IMMP2L: variants seen among roughly 807,000 people sequenced by gnomAD.
The protein encoded by IMMP2L is inner mitochondrial membrane peptidase subunit 2, also known as mitochondrial inner membrane protease subunit 2.
IMMP2L carries 18 observed loss-of-function variants against 19.3 expected under a neutral mutation model. The observed-to-expected ratio is 0.93, with a 90% CI of 0.64 to 1.38. IMMP2L has a LOEUF of 1.38. Ranked by LOEUF, IMMP2L falls within the 40% of genes most tolerant of loss-of-function variation. The probability of loss-of-function intolerance (pLI) is 0.00; values close to 1 mark genes in which losing one functional copy is unlikely to be tolerated. For missense variants in IMMP2L, 233 were observed against 218.2 expected, an observed-to-expected ratio of 1.07 and a Z score of -0.43; for synonymous variants, 76 against 73.0, an observed-to-expected ratio of 1.04 and a Z score of -0.21.
intron 1 of IMMP2L, among the ~76,000 whole-genome samples, chr7:111,547,422 C>T (rs977482701): frequency 2.0e-5 from 3 of 151,886 alleles, no homozygotes; most frequent in Admixed American, 6.6e-5. Context: ...AAATCCAAAA[C>T]GGACAAGTAT....
chr7:111,494,079 A>G (rs972271155), intron 2 of IMMP2L, among the ~76,000 whole-genome samples: 6 of 152,204 alleles, frequency 3.9e-5, no homozygotes, highest in Admixed American at 1.3e-4. Flanking sequence ...GTCATAAATA[A>G]TAATTTGATA....
intron 3 of IMMP2L, among the ~76,000 whole-genome samples, chr7:111,144,386 T>TA (rs1803251298): frequency 6.6e-6 from 1 of 152,094 alleles, no homozygotes; most frequent in South Asian, 2.1e-4. Flanking sequence ...TTGTGGATCT[T>TA]AGAGTTCGAA....
intron 3 of IMMP2L, among the ~76,000 whole-genome samples, chr7:111,439,700 G>A (rs1206352157): frequency 6.6e-6 from 1 of 151,910 alleles, no homozygotes; most frequent in Non-Finnish European, 1.5e-5. Flanking sequence ...GCTGAAGAGT[G>A]AGGTAGTTGT....
At chr7:111,441,825 G>A (rs936591111) in intron 3 of IMMP2L, among the ~76,000 whole-genome samples, 1 of 151,626 alleles carries the variant, frequency 6.6e-6, no homozygotes, top group Non-Finnish European at 1.5e-5. Flanking sequence ...AAATAAGACA[G>A]TGTAAAACTC....
intron 2 of IMMP2L, among the ~76,000 whole-genome samples, chr7:111,517,127 A>G (rs1040389240): frequency 1.3e-5 from 2 of 152,070 alleles, no homozygotes; most frequent in Non-Finnish European, 2.9e-5. Context: ...TAAAAAAAAC[A>G]TAGATTGAAA....
chr7:111,271,111 G>C (rs192672406), intron 3 of IMMP2L, among the ~76,000 whole-genome samples: 1 of 152,012 alleles, frequency 6.6e-6, no homozygotes, highest in Non-Finnish European at 1.5e-5. Flanking sequence ...TCTTATGATA[G>C]TGAGTGAGTT....
At chr7:111,164,944 A>G (rs1017531895) in intron 3 of IMMP2L, among the ~76,000 whole-genome samples, 4 of 152,010 alleles carry the variant, frequency 2.6e-5, no homozygotes, top group African/African-American at 9.7e-5. Context: ...TCTTAATTAT[A>G]TTTAAGTGTA....
chr7:110,900,339 A>C (rs1344211160), intron 4 of IMMP2L, among the ~76,000 whole-genome samples: 1 of 152,176 alleles, frequency 6.6e-6, no homozygotes, highest in East Asian at 1.9e-4. Context: ...CCAGACAGAA[A>C]ACCATAGCAA....
chr7:110,672,659 T>C (rs1792002341), intron 5 of IMMP2L, among the ~76,000 whole-genome samples: 1 of 152,146 alleles, frequency 6.6e-6, no homozygotes, highest in South Asian at 2.1e-4. Context: ...CCCATTCCAA[T>C]GGGAGAAACT....
intron 3 of IMMP2L, among the ~76,000 whole-genome samples, chr7:111,029,887 A>G (rs1389154478): frequency 6.6e-6 from 1 of 152,180 alleles, no homozygotes; most frequent in Non-Finnish European, 1.5e-5. Flanking sequence ...CACTGACAGC[A>G]TAAGTGGCTT....
intron 5 of IMMP2L, among the ~76,000 whole-genome samples, chr7:110,720,811 T>G (rs551329787): frequency 6.6e-6 from 1 of 152,088 alleles, no homozygotes; most frequent in Admixed American, 6.6e-5. Flanking sequence ...AGGAAACACT[T>G]TGGGATTCTT....
intron 3 of IMMP2L, among the ~76,000 whole-genome samples, chr7:111,235,607 CT>C (rs201206595): frequency 6.6e-6 from 1 of 151,600 alleles, no homozygotes; most frequent in Non-Finnish European, 1.5e-5. Flanking sequence ...TGATACGTCT[CT>C]TTTTTTTGGC....
At chr7:110,713,956 G>A (rs979789776) in intron 5 of IMMP2L, among the ~76,000 whole-genome samples, 2 of 152,238 alleles carry the variant, frequency 1.3e-5, no homozygotes, top group Admixed American at 1.3e-4. Context: ...AGGAATTCCA[G>A]TACAATGTTG....
At chr7:110,898,484 T>G (rs1811544164) in intron 4 of IMMP2L, among the ~76,000 whole-genome samples, 1 of 152,184 alleles carries the variant, frequency 6.6e-6, no homozygotes, top group South Asian at 2.1e-4. Context: ...GGATGCCTGT[T>G]AAAATAATCA....
intron 3 of IMMP2L, among the ~76,000 whole-genome samples, chr7:111,078,933 T>C (rs1795644282): frequency 6.6e-6 from 1 of 152,074 alleles, no homozygotes; most frequent in Admixed American, 6.5e-5. Context: ...TTTCACCATG[T>C]TGGCCAGGCT....
chr7:110,700,349 G>A (rs1794190374), intron 5 of IMMP2L, among the ~76,000 whole-genome samples: 2 of 117,790 alleles, frequency 1.7e-5, no homozygotes, highest in African/African-American at 5.5e-5. Context: ...TTTCAGCTTT[G>A]GTCATTTTTC....
intron 5 of IMMP2L, among the ~76,000 whole-genome samples, chr7:110,678,671 C>G (rs898928830): frequency 6.6e-6 from 1 of 152,070 alleles, no homozygotes; most frequent in African/African-American, 2.4e-5. Flanking sequence ...ACCCCGAGAG[C>G]AGAGGTTGTG....
chr7:110,694,935 T>C (rs958644759), intron 5 of IMMP2L, among the ~76,000 whole-genome samples: 1 of 152,022 alleles, frequency 6.6e-6, no homozygotes, highest in African/African-American at 2.4e-5. Flanking sequence ...CTTGAAAGCG[T>C]CGTGTTAAGT....
At chr7:110,769,092 C>T (rs1168962455) in intron 5 of IMMP2L, among the ~76,000 whole-genome samples, 1 of 152,136 alleles carries the variant, frequency 6.6e-6, no homozygotes, top group East Asian at 1.9e-4. Context: ...TCATATATTC[C>T]TCTGGTCCAG....
Sources: gnomAD v4.1 joint callset for allele counts (sites outside exome capture counted in the v4.1 genomes callset) on GRCh38, gnomAD v4.1.1 for gene constraint, MANE v1.5 for transcripts, NCBI Gene and HGNC (gene_info 2026-07-23, HGNC 2026-07-21) for gene names.